ERICH5: variants seen among roughly 807,000 people sequenced by gnomAD.
ERICH5 encodes glutamate-rich protein 5.
ERICH5 carries 24 observed loss-of-function variants against 28.0 expected under a neutral mutation model. That is an observed-to-expected ratio of 0.86 (90% CI 0.62 to 1.21). ERICH5 has a LOEUF of 1.21. Ranked by LOEUF, ERICH5 falls within the 50% of genes most tolerant of loss-of-function variation. The pLI is 0.00. For missense variants in ERICH5, 421 were observed against 441.2 expected, an observed-to-expected ratio of 0.95 and a Z score of 0.41; for synonymous variants, 163 against 157.6, an observed-to-expected ratio of 1.03 and a Z score of -0.25.
At chr8:98,069,631 A>C (rs1273736647) in intron 1 of ERICH5, among the ~76,000 whole-genome samples, 2 of 152,164 alleles carry the variant, frequency 1.3e-5, no homozygotes, top group African/African-American at 4.8e-5. Flanking sequence ...TAATTTGTTT[A>C]CAGTCTTTCC....
At chr8:98,067,735 C>A (rs886386663) in intron 1 of ERICH5, among the ~76,000 whole-genome samples, 10 of 151,824 alleles carry the variant, frequency 6.6e-5, no homozygotes, top group Non-Finnish European at 1.0e-4. Context: ...ACTGCCTCAG[C>A]TTCCCGAGTA....
At chr8:98,084,884 T>C (rs528871472) in intron 1 of ERICH5, among the ~76,000 whole-genome samples, 7 of 152,246 alleles carry the variant, frequency 4.6e-5, no homozygotes, top group African/African-American at 1.2e-4. Context: ...ACAATCAAGA[T>C]TGTGCCCCTT....
intron 1 of ERICH5, among the ~76,000 whole-genome samples, chr8:98,067,444 T>TGA (rs1233698469): frequency 6.9e-6 from 1 of 145,572 alleles, no homozygotes; most frequent in East Asian, 2.0e-4. Context: ...GGCAACAGAG[T>TGA]GAGACTCAAT....
chr8:98,068,278 C>T (rs907680690), intron 1 of ERICH5, among the ~76,000 whole-genome samples: 6 of 152,176 alleles, frequency 3.9e-5, no homozygotes, highest in Admixed American at 2.0e-4. Flanking sequence ...CTGAATCTCA[C>T]GGAGCTGCTT....
rs760470751 is a variant in ERICH5, at chr8:98,085,136, C to CTTTTTTTTTTTTTTTTTTTTTTT, written c.59-3920_59-3898dup. Among the ~76,000 whole-genome samples the CTTTTTTTTTTTTTTTTTTTTTTT allele has an allele frequency of 5.2e-5, 3 of 57,318 alleles. 1 individual carries two copies. Among genetic ancestry groups the CTTTTTTTTTTTTTTTTTTTTTTT allele is most frequent in the Non-Finnish European group, 1.1e-4 (3 of 28,402 alleles). 37.6% of individuals were successfully genotyped at this position (57,318 alleles called of 152,430 possible). A position where few individuals can be genotyped will look rare whatever the true frequency, so the allele number is the denominator to read the frequency against. On this transcript the variant is annotated intron_variant, in intron 1 of 2. Transcript: ENST00000318528. ...TTCCCTGGTGTGAACGTTCCACAGC[C>CTTTTTTTTTTTTTTTTTTTTTTT]TTTTTTTTTTTTTTTTTTTTTTTTT...
chr8:98,091,916 TCTTCC>T (rs1815408320), intron 2 of ERICH5, among the ~76,000 whole-genome samples: 12 of 90,530 alleles, frequency 1.3e-4, no homozygotes, highest in African/African-American at 5.2e-4. Context: ...TTTCTTTCTT[TCTTCC>T]TTTCTTTCTT....
chr8:98,089,053 C>CT, intron 1 of ERICH5, 23 bp from the exon 2 acceptor site: 1 of 1,536,064 alleles, frequency 6.5e-7, no homozygotes, highest in Non-Finnish European at 8.8e-7. Flanking sequence ...TTTTCTTTTT[C>CT]TTTTTCAAAT....
intron 1 of ERICH5, among the ~76,000 whole-genome samples, chr8:98,073,454 A>G (rs1201715887): frequency 1.0e-4 from 1 of 9,760 alleles, no homozygotes; most frequent in African/African-American, 8.5e-4. Context: ...ATATATATAT[A>G]TATATGTATA....
At chr8:98,091,844 C>CTTTCTTTCTTTCTT (rs1815392735) in intron 2 of ERICH5, among the ~76,000 whole-genome samples, 1 of 66,672 alleles carries the variant, frequency 1.5e-5, no homozygotes, top group African/African-American at 5.7e-5. Flanking sequence ...CTTTTTCTTT[C>CTTTCTTTCTTTCTT]TTTCTTTCTT....
At chr8:98,090,600 GAAAA>G (rs528115216) in intron 2 of ERICH5, among the ~76,000 whole-genome samples, 1 of 80,032 alleles carries the variant, frequency 1.2e-5, no homozygotes, top group Admixed American at 1.4e-4. Flanking sequence ...TTGTTCTCCA[GAAAA>G]AAAAAAAAAA....
At chr8:98,091,896 CT>C (rs1215693838) in intron 2 of ERICH5, among the ~76,000 whole-genome samples, 806 of 50,832 alleles carry the variant, frequency 0.016, 15 homozygotes, top group Non-Finnish European at 0.02. Flanking sequence ...TTCTTTCTTT[CT>C]TTCCTTTCTT....
intron 1 of ERICH5, among the ~76,000 whole-genome samples, chr8:98,078,356 CA>C (rs1815098539): frequency 6.6e-6 from 1 of 152,098 alleles, no homozygotes; most frequent in Non-Finnish European, 1.5e-5. Context: ...TTCTTGGTTC[CA>C]AAACCTCAAA....
At chr8:98,090,111 C>T in intron 2 of ERICH5, 82 bp downstream of exon 2, 1 of 1,013,440 alleles carries the variant, frequency 9.9e-7, no homozygotes, top group Non-Finnish European at 1.4e-6. Flanking sequence ...GGGTGACTGA[C>T]ACACAGTCCC....
chr8:98,064,802 G>T (rs967513452), intron 1 of ERICH5, 75 bp downstream of exon 1: 38 of 1,270,642 alleles, frequency 3.0e-5, no homozygotes, highest in Non-Finnish European at 4.0e-5. Context: ...GGTCCAAAGG[G>T]TGTGTCCCGT....
intron 2 of ERICH5, among the ~76,000 whole-genome samples, chr8:98,090,583 T>C (rs1320485325): frequency 1.4e-5 from 2 of 143,596 alleles, no homozygotes; most frequent in African/African-American, 5.2e-5. Context: ...GGCAACATAG[T>C]GAGACCTTGT....
At chr8:98,085,863 C>T (rs1413934476) in intron 1 of ERICH5, among the ~76,000 whole-genome samples, 3 of 152,102 alleles carry the variant, frequency 2.0e-5, no homozygotes, top group African/African-American at 7.2e-5. Flanking sequence ...TGACTTCTTG[C>T]CACTGTGTGC....
intron 1 of ERICH5, among the ~76,000 whole-genome samples, chr8:98,073,998 G>A (rs1009256601): frequency 2.0e-5 from 3 of 149,512 alleles, no homozygotes; most frequent in African/African-American, 7.4e-5. Context: ...ACTCACTGAA[G>A]CCTCGACCTC....
chr8:98,073,017 G>A (rs1386433791), intron 1 of ERICH5, among the ~76,000 whole-genome samples: 1 of 152,056 alleles, frequency 6.6e-6, no homozygotes, highest in East Asian at 1.9e-4. Context: ...GTTATGGGAG[G>A]TTCTGGTTAC....
chr8:98,084,628 G>A (rs1005801955), intron 1 of ERICH5, among the ~76,000 whole-genome samples: 3 of 152,144 alleles, frequency 2.0e-5, no homozygotes, highest in East Asian at 1.9e-4. Context: ...TGATCCACCC[G>A]TCTCAGCCTC....
Sources: gnomAD v4.1 joint callset for allele counts (sites outside exome capture counted in the v4.1 genomes callset) on GRCh38, gnomAD v4.1.1 for gene constraint, MANE v1.5 for transcripts, NCBI Gene and HGNC (gene_info 2026-07-23, HGNC 2026-07-21) for gene names.